ABCA3: variants seen among roughly 807,000 people sequenced by gnomAD.
ABCA3 encodes the protein phospholipid-transporting ATPase ABCA3.
ABCA3 carries 88 observed loss-of-function variants against 172.8 expected under a neutral mutation model. The ratio of observed to expected loss-of-function variants is 0.51; its 90% CI spans 0.43 to 0.61. The LOEUF is 0.61. ABCA3 is among the 20% of genes least tolerant of loss of function. ABCA3 has a pLI of 0.00. For synonymous variants in ABCA3, 1,066 were observed against 983.8 expected (o/e 1.08, Z -1.56); for missense variants, 2,164 against 2,301.0 (o/e 0.94, Z 1.22).
intron 12 of ABCA3, among the ~76,000 whole-genome samples, chr16:2,302,238 T>A (rs566025061): frequency 6.6e-6 from 1 of 152,324 alleles, no homozygotes; most frequent in South Asian, 2.1e-4. Flanking sequence ...TATTTCTGCG[T>A]GTGTGTCTTT....
Position 2,277,550 on chromosome 16 carries a change from TC to T in ABCA3, c.4983+46del. 1 of 1,596,046 alleles carries T rather than the reference TC, an allele frequency of 6.3e-7. No homozygotes were observed. The highest frequency in any genetic ancestry group is 8.6e-7 in the Non-Finnish European group (1 of 1,166,424). The stretch of plus-strand genomic sequence containing the variant: ...AGAGGGAGAGACCCCTGGAGGGACC[TC>T]CCCCTGCCCCATGAGTGCCCAGTGG... On this transcript the variant is annotated intron_variant, in intron 32 of 32. Coordinates refer to ENST00000301732, the MANE Select transcript of ABCA3 (RefSeq NM_001089.3). The surrounding 1 kb of genome is among the most constrained non-coding windows in gnomAD (Gnocchi z 5.3).
intron 10 of ABCA3, among the ~76,000 whole-genome samples, chr16:2,312,511 T>C (rs2093708124): frequency 1.3e-5 from 2 of 151,184 alleles, no homozygotes; most frequent in South Asian, 4.2e-4. Context: ...AGGACATTCA[T>C]GAGTGAAATT....
Position 2,284,374 on chromosome 16 carries a change from C to T in ABCA3, c.3767G>A (p.Cys1256Tyr). Residue 1256 changes from cysteine to tyrosine, a missense_variant, in exon 25 of 33, where the codon TGT (cysteine) becomes TAT (tyrosine). Cys to Tyr is a radical substitution (Grantham distance 194). Around this residue, in one of 3 missense-constraint regions of ABCA3, gnomAD observed 795 missense variants for 881.9 expected, o/e 0.90. Coordinates refer to ENST00000301732, the MANE Select transcript of ABCA3 (RefSeq NM_001089.3). This position sits in a 1 kb window ranked among gnomAD's most constrained non-coding sequence, Gnocchi z 5.9. ...GAAACTGCTGACTGCCATCCCCAGA[C>T]AGTGGTTGGGCAGCACCAGGAACAC... ...DHVFLVLPNH[C>Y]LGMAVSSFYE... The T allele has an allele frequency of 6.2e-7, 1 of 1,614,020 alleles. No homozygotes were observed. The highest frequency in any genetic ancestry group is 8.5e-7 in the Non-Finnish European group (1 of 1,180,008).
intron 1 of ABCA3, among the ~76,000 whole-genome samples, chr16:2,330,225 G>A (rs1172691935): frequency 6.6e-6 from 1 of 150,748 alleles, no homozygotes; most frequent in African/African-American, 2.4e-5. Context: ...CCCAGGAGGT[G>A]GAGGTTGCAG....
rs556253061 is a variant in ABCA3 at position 2,279,742 on chromosome 16, A to ATTT, written c.4360-615_4360-613dup. Reference sequence around the variant, plus strand: ...TCTTTGGGGTTCTCAAGCTTCCAGAATTTTTTTTTTTTTTTTTGAGACAGA... The same window carrying ATTT: ...TCTTTGGGGTTCTCAAGCTTCCAGAATTTTTTTTTTTTTTTTTTTTGAGACAGA... On this transcript the variant is annotated intron_variant, in intron 28 of 32. Coordinates refer to ENST00000301732, the MANE Select transcript of ABCA3 (RefSeq NM_001089.3). The surrounding 1 kb of genome is among the most constrained non-coding windows in gnomAD (Gnocchi z 4.4). Among the ~76,000 whole-genome samples, 1 of 140,110 alleles carries ATTT rather than the reference A, an allele frequency of 7.1e-6. No individual in the cohort carries two copies. Among genetic ancestry groups the ATTT allele is most frequent in the Non-Finnish European group, 1.6e-5 (1 of 64,050 alleles). 91.9% of individuals were successfully genotyped at this position (140,110 alleles called of 152,430 possible).
Position 2,276,144 on chromosome 16 carries a change from G to A in ABCA3, c.*530C>T, listed in dbSNP as rs574578941. On this transcript the variant is annotated 3_prime_UTR_variant, in exon 33 of 33. Coordinates refer to ENST00000301732, the MANE Select transcript of ABCA3 (RefSeq NM_001089.3). ...AGAGCCTCCAGGATGCCCCCGGGCTGCGCTGGACGCTAAGACCCCAGCACC... is the reference window on the plus strand; with the variant it reads ...AGAGCCTCCAGGATGCCCCCGGGCTACGCTGGACGCTAAGACCCCAGCACC... 2 of 357,146 alleles carry A rather than the reference G, an allele frequency of 5.6e-6. No individual in the cohort carries two copies. The highest frequency in any genetic ancestry group is 2.0e-5 in the South Asian group (1 of 48,814). 22.1% of individuals were successfully genotyped at this position (357,146 alleles called of 1,614,324 possible). A position where few individuals can be genotyped will look rare whatever the true frequency, so the allele number is the denominator to read the frequency against.
At chr16:2,298,561 C>T (rs751185212) in intron 14 of ABCA3, 21 bp from the exon 15 acceptor site, 4 of 1,611,666 alleles carry the variant, frequency 2.5e-6, no homozygotes, top group Non-Finnish European at 3.4e-6. Flanking sequence ...GCAGGAGACC[C>T]CACATTCAGC....
chr16:2,319,704 G>A lies in ABCA3; in HGVS notation c.750C>T (p.Phe250=). 6.2e-7 allele frequency: 1 copy of A among 1,613,854 alleles called. No individual in the cohort carries two copies. Among genetic ancestry groups the A allele is most frequent in the Non-Finnish European group, 8.5e-7 (1 of 1,180,016 alleles). Reference sequence around the variant, plus strand: ...TGGCCACGAGGAAGGGGTCTGCGATGAACGGCGGGTACGGGAACCTCTTGA... The same window carrying A: ...TGGCCACGAGGAAGGGGTCTGCGATAAACGGCGGGTACGGGAACCTCTTGA... ...VTIKRFPYPP[F]IADPFLVAIQ... is the part of the protein sequence containing the mutation. The change falls in exon 8 of 33, where the codon TTC becomes TTT. Residue 250 remains phenylalanine (F), a synonymous_variant. Coordinates refer to ENST00000301732, the MANE Select transcript of ABCA3 (RefSeq NM_001089.3).
At chr16:2,280,668 G>C (rs1437409924) in intron 28 of ABCA3, among the ~76,000 whole-genome samples, 4 of 152,028 alleles carry the variant, frequency 2.6e-5, no homozygotes, top group Admixed American at 2.6e-4. Context: ...CTCAACATGG[G>C]AAAGCTGGGC....
chr16:2,325,989 G>A (rs766707920), intron 5 of ABCA3, 21 bp downstream of exon 5: 43 of 1,612,576 alleles, frequency 2.7e-5, no homozygotes, highest in South Asian at 2.0e-4. Context: ...GCCTGGCACC[G>A]AGAGCCCCGG....
Position 2,279,198 on chromosome 16 carries a change from G to A in ABCA3, c.4360-68C>T, listed in dbSNP as rs565388041. Reference sequence around the variant, plus strand: ...AAGCCTCCTTCCTCCAGAGGACCACGGGGACTACCCTTGAGGTGCCCACCA... The same window carrying A: ...AAGCCTCCTTCCTCCAGAGGACCACAGGGACTACCCTTGAGGTGCCCACCA... On this transcript the variant is annotated intron_variant, in intron 28 of 32. Coordinates refer to ENST00000301732, the MANE Select transcript of ABCA3 (RefSeq NM_001089.3). The surrounding 1 kb of genome is among the most constrained non-coding windows in gnomAD (Gnocchi z 4.4). The A allele has an allele frequency of 5.2e-5, 82 of 1,571,312 alleles. No individual in the cohort carries two copies. Among genetic ancestry groups the A allele is most frequent in the Admixed American group, 3.4e-5 (2 of 58,600 alleles).
rs563526568 is a variant in ABCA3, at chr16:2,281,656, G to A, written c.4036-147C>T. 108 of 959,790 alleles carry A rather than the reference G, an allele frequency of 1.1e-4. No homozygotes were observed. Among genetic ancestry groups the A allele is most frequent in the South Asian group, 8.7e-4 (63 of 72,376 alleles). The allele number at this position is 959,790 out of a possible 1,614,324, so 59.5% of individuals were successfully genotyped here. A position where few individuals can be genotyped will look rare whatever the true frequency, so the allele number is the denominator to read the frequency against. ...TCCCAATCTCAGGCCCCACAGGTGC[G>A]ACTCAGACCTTTTACTAGAAGACAC... On this transcript the variant is annotated intron_variant, in intron 26 of 32. Coordinates refer to ENST00000301732, the MANE Select transcript of ABCA3 (RefSeq NM_001089.3). The surrounding 1 kb of genome is among the most constrained non-coding windows in gnomAD (Gnocchi z 4.7).
In ABCA3 at chr16:2,300,141, T is replaced by TA. The variant is rs756855585; in HGVS notation, c.1474dup (p.Tyr492LeufsTer18). ...AACCGCCCTTGGCTTCCCACACCAA[T>TA]AGGAGGGCTGGGAGGGAAGCAGACA... On this transcript the variant is annotated frameshift_variant, in exon 13 of 33. Transcript: ENST00000301732. LOFTEE classifies it high-confidence loss of function. 19 of 1,613,070 alleles carry TA rather than the reference T, an allele frequency of 1.2e-5. No individual in the cohort carries two copies. Among genetic ancestry groups the TA allele is most frequent in the Non-Finnish European group, 8.5e-7 (1 of 1,179,852 alleles).
chr16:2,326,101 G>T lies in ABCA3; in HGVS notation c.228C>A (p.Asp76Glu). 4 of 1,614,152 alleles carry T rather than the reference G, an allele frequency of 2.5e-6. No homozygotes were observed. The highest frequency in any genetic ancestry group is 3.4e-6 in the Non-Finnish European group (4 of 1,180,046). ...PLFFTFPPPG[D>E]TWELAYIPSH... is the part of the protein sequence containing the mutation. The stretch of plus-strand genomic sequence containing the variant: ...AAGGGATGTAGGCAAGCTCCCAGGT[G>T]TCTCCTGGCGGAGGGAAGGTGAAGA... The change falls in exon 5 of 33, where the codon GAC (aspartate) becomes GAA (glutamate). Residue 76 changes from aspartate to glutamate, a missense_variant. By Grantham distance (45) the Asp-to-Glu change is conservative (BLOSUM62 2). Around this residue, in one of 3 missense-constraint regions of ABCA3, gnomAD observed 1,343 missense variants for 1,369.6 expected, o/e 0.98. Coordinates refer to ENST00000301732, the MANE Select transcript of ABCA3 (RefSeq NM_001089.3).
Position 2,299,460 on chromosome 16 carries a change from T to C in ABCA3, c.1684A>G (p.Thr562Ala), listed in dbSNP as rs1189809620. The change falls in exon 14 of 33, where the codon ACC (threonine) becomes GCC (alanine). Residue 562 changes from threonine (T) to alanine (A), a missense_variant. Around this residue, in one of 3 missense-constraint regions of ABCA3, gnomAD observed 1,343 missense variants for 1,369.6 expected, o/e 0.98. Coordinates refer to ENST00000301732, the MANE Select transcript of ABCA3 (RefSeq NM_001089.3). Reference protein sequence around the residue: ...LNLNLYEGQITVLLGHNGAGK... With the variant: ...LNLNLYEGQIAVLLGHNGAGK... ...GCACCGTTGTGGCCCAGCAGGACGG[T>C]GATCTGTCCCTCGTACAGGTTGAGG... 4 of 1,613,752 alleles carry C rather than the reference T, an allele frequency of 2.5e-6. No homozygotes were observed. The African/African-American group carries it at 4.0e-5, about 16-fold the overall frequency.
At chr16:2,339,839 G>C (rs1174236501) in intron 1 of ABCA3, among the ~76,000 whole-genome samples, 1 of 152,282 alleles carries the variant, frequency 6.6e-6, no homozygotes, top group Non-Finnish European at 1.5e-5. Flanking sequence ...AGGCCGTCCC[G>C]GCCCTTCTGA....
intron 15 of ABCA3, among the ~76,000 whole-genome samples, 175 bp downstream of exon 15, chr16:2,298,211 G>A (rs1050794805): frequency 4.0e-5 from 6 of 149,828 alleles, no homozygotes; most frequent in African/African-American, 1.2e-4. Flanking sequence ...GCGGGAGGCC[G>A]ACCCTGGCCA....
chr16:2,278,333 G>T lies in ABCA3; in HGVS notation c.4673C>A (p.Ala1558Glu). Reference sequence around the variant, plus strand: ...GGCCTTGCCAGACTCTCGGGCTCGTGCCACGGTGTCCCAAAGCAGGCGCCG... The same window carrying T: ...GGCCTTGCCAGACTCTCGGGCTCGTTCCACGGTGTCCCAAAGCAGGCGCCG... ...VARRLLWDTV[A>E]RARESGKAII... Residue 1558 changes from alanine (A) to glutamate (E), a missense_variant, in exon 30 of 33, where the codon GCA becomes GAA. Around this residue, in one of 3 missense-constraint regions of ABCA3, gnomAD observed 795 missense variants for 881.9 expected, o/e 0.90. Transcript: ENST00000301732. The surrounding 1 kb of genome is among the most constrained non-coding windows in gnomAD (Gnocchi z 4.4). 1 of 1,611,162 alleles carries T rather than the reference G, an allele frequency of 6.2e-7. No individual in the cohort carries two copies.
chr16:2,297,921 G>C lies in ABCA3; in HGVS notation c.1897C>G (p.Leu633Val). 6.2e-7 allele frequency: 1 copy of C among 1,613,640 alleles called. No individual in the cohort carries two copies. Among genetic ancestry groups the C allele is most frequent in the Non-Finnish European group, 8.5e-7 (1 of 1,180,036 alleles). ...VAEHLYFYAQ[L>V]KGLSRQKCPE... ...CACTTCTGACGTGACAGGCCCTTCA[G>C]CTGCAACGACAGGGGACGCAGGGAG... Residue 633 changes from leucine (L) to valine (V), a missense_variant and splice_region_variant, in exon 16 of 33, where the codon CTG (leucine) becomes GTG (valine). Around this residue, in one of 3 missense-constraint regions of ABCA3, gnomAD observed 1,343 missense variants for 1,369.6 expected, o/e 0.98. Coordinates refer to ENST00000301732, the MANE Select transcript of ABCA3 (RefSeq NM_001089.3). This position sits in a 1 kb window ranked among gnomAD's most constrained non-coding sequence, Gnocchi z 5.6.
Sources: gnomAD v4.1 joint callset for allele counts (sites outside exome capture counted in the v4.1 genomes callset) on GRCh38, gnomAD v4.1.1 for gene constraint, gnomAD v4.1.1 regional missense constraint, Gnocchi (gnomAD v3.1) non-coding constraint, MANE v1.5 for transcripts, NCBI Gene and HGNC (gene_info 2026-07-23, HGNC 2026-07-21) for gene names.